TMEM87A: variants seen among roughly 807,000 people sequenced by gnomAD.
TMEM87A encodes the protein transmembrane protein 87A.
Under a neutral mutation model 90.0 loss-of-function variants are expected in TMEM87A, and 50 were observed. That is an observed-to-expected ratio of 0.56 (90% CI 0.44 to 0.70). The LOEUF is 0.70. TMEM87A is among the 30% of genes least tolerant of loss of function. The pLI is 0.00. For missense variants in TMEM87A, 577 were observed against 660.5 expected, an observed-to-expected ratio of 0.87 and a Z score of 1.39; for synonymous variants, 226 against 226.7, an observed-to-expected ratio of 1.00 and a Z score of 0.03.
chr15:42,271,418 C>G (rs2051521230), intron 2 of TMEM87A: 1 of 152,208 alleles, frequency 6.6e-6, no homozygotes, highest in Non-Finnish European at 1.5e-5. Context: ...TGCAGGGAAT[C>G]AACCCCAACA....
chr15:42,235,928 C>T (rs2050761183), intron 10 of TMEM87A, among the ~76,000 whole-genome samples: 1 of 152,110 alleles, frequency 6.6e-6, no homozygotes, highest in Non-Finnish European at 1.5e-5. Context: ...GAAGACACTC[C>T]TCAATAAAAA....
chr15:42,216,354 G>C (rs544864297), intron 19 of TMEM87A, among the ~76,000 whole-genome samples: 39 of 152,296 alleles, frequency 2.6e-4, no homozygotes, highest in South Asian at 6.2e-4. Flanking sequence ...CACTAAAGGA[G>C]TTAAGAGAGT....
intron 6 of TMEM87A, among the ~76,000 whole-genome samples, chr15:42,257,440 T>C (rs1205742818): frequency 3.3e-5 from 5 of 152,082 alleles, no homozygotes; most frequent in Non-Finnish European, 7.4e-5. Context: ...AAGCCCTCAC[T>C]AGAAACAGAT....
intron 10 of TMEM87A, among the ~76,000 whole-genome samples, chr15:42,235,642 A>G (rs114061879): frequency 0.017 from 2,527 of 152,316 alleles, 74 homozygotes; most frequent in African/African-American, 0.058. Flanking sequence ...ATCTCAATTC[A>G]GCATCTCTTC....
intron 15 of TMEM87A, among the ~76,000 whole-genome samples, chr15:42,224,012 T>C (rs1315004965): frequency 1.3e-5 from 2 of 152,206 alleles, no homozygotes; most frequent in Non-Finnish European, 2.9e-5. Context: ...TCATTAAATA[T>C]TTCTTGAGCA....
intron 15 of TMEM87A, 42 bp from the exon 16 acceptor site, chr15:42,220,177 T>C: frequency 1.3e-6 from 2 of 1,482,740 alleles, no homozygotes; most frequent in Non-Finnish European, 9.2e-7. Context: ...ATTAGAAAAC[T>C]TCAAAAACTG....
chr15:42,253,843 A>ACC (rs2051130090), intron 6 of TMEM87A, among the ~76,000 whole-genome samples: 1 of 152,124 alleles, frequency 6.6e-6, no homozygotes, highest in African/African-American at 2.4e-5. Flanking sequence ...GGAGACCTGG[A>ACC]CCTCACTACT....
intron 15 of TMEM87A, among the ~76,000 whole-genome samples, chr15:42,224,085 T>A (rs546337965): frequency 3.3e-5 from 5 of 152,336 alleles, no homozygotes; most frequent in Admixed American, 2.6e-4. Context: ...CCGACACCCA[T>A]AACATGTCCT....
chr15:42,240,985 A>C (rs2050856419), intron 7 of TMEM87A, among the ~76,000 whole-genome samples: 1 of 152,238 alleles, frequency 6.6e-6, no homozygotes, highest in Admixed American at 6.5e-5. Context: ...AAATCTGGCC[A>C]CCAGCTTTTT....
chr15:42,218,045 A>G, intron 18 of TMEM87A: 1 of 622,922 alleles, frequency 1.6e-6, no homozygotes, highest in South Asian at 2.3e-5. Context: ...ATGCAACAGG[A>G]CCAATGTTTC....
In TMEM87A at chr15:42,264,126, T is replaced by C. The variant is rs771688628; in HGVS notation, c.369A>G (p.Lys123=). The change falls in exon 4 of 20, where the codon AAA becomes AAG. Residue 123 remains lysine, a synonymous_variant. Transcript: ENST00000389834. ...AGAGTTCACTGCAGTTCTGGAACAATTTTGATGATGTTTGATATTTCCCAG... is the reference window on the plus strand; with the variant it reads ...AGAGTTCACTGCAGTTCTGGAACAACTTTGATGATGTTTGATATTTCCCAG... ...GLSGKYQTSS[K]LFQNCSELFK... The C allele has an allele frequency of 3.7e-6, 6 of 1,613,706 alleles. No homozygotes were observed. Among genetic ancestry groups the C allele is most frequent in the Non-Finnish European group, 5.1e-6 (6 of 1,179,848 alleles).
intron 6 of TMEM87A, among the ~76,000 whole-genome samples, chr15:42,253,297 G>C (rs771052046): frequency 7.9e-5 from 12 of 152,094 alleles, no homozygotes; most frequent in Non-Finnish European, 1.5e-4. Flanking sequence ...TTTCTTCATA[G>C]CTCAATATAC....
At chr15:42,228,199 G>A (rs1302946964) in intron 13 of TMEM87A, among the ~76,000 whole-genome samples, 1 of 152,140 alleles carries the variant, frequency 6.6e-6, no homozygotes, top group African/African-American at 2.4e-5. Flanking sequence ...AAACAGAAGA[G>A]CTAGTTCCAA....
chr15:42,258,707 G>GT, intron 6 of TMEM87A: 1 of 1,261,376 alleles, frequency 7.9e-7, no homozygotes, highest in South Asian at 2.2e-5. Context: ...CATTACAGGC[G>GT]TGAGCCACTG....
intron 14 of TMEM87A, 106 bp from the exon 15 acceptor site, chr15:42,227,015 T>C (rs1489232038): frequency 1.7e-5 from 18 of 1,084,666 alleles, no homozygotes; most frequent in Middle Eastern, 2.5e-4. Flanking sequence ...ATTCAAGTTA[T>C]GTTTACTAAG....
At position 42,261,008 on chromosome 15, in the gene TMEM87A, A is replaced by G; in HGVS notation, c.460-6T>C. On this transcript the variant is annotated splice_polypyrimidine_tract_variant and splice_region_variant and intron_variant, in intron 5 of 19. Coordinates refer to ENST00000389834, the MANE Select transcript of TMEM87A (RefSeq NM_015497.5). The stretch of plus-strand genomic sequence containing the variant: ...TTTGTTCCATTCTCCTTAGCCTTTA[A>G]ACATTAAAAAAATAATAATAATTAA... 6.8e-7 allele frequency: 1 copy of G among 1,462,956 alleles called. No individual in the cohort carries two copies. The highest frequency in any genetic ancestry group is 9.0e-7 in the Non-Finnish European group (1 of 1,106,412). The allele number at this position is 1,462,956 out of a possible 1,614,324, so 90.6% of individuals were successfully genotyped here. A position where few individuals can be genotyped will look rare whatever the true frequency, so the allele number is the denominator to read the frequency against.
At chr15:42,214,741 C>CA (rs1298960864) in intron 19 of TMEM87A, among the ~76,000 whole-genome samples, 1 of 152,178 alleles carries the variant, frequency 6.6e-6, no homozygotes. Context: ...TTTGAAACCA[C>CA]AAAACTCCTA....
At chr15:42,273,137 T>C (rs963692518) in intron 1 of TMEM87A, 118 bp downstream of exon 1, 1 of 1,323,300 alleles carries the variant, frequency 7.6e-7, no homozygotes, top group South Asian at 1.3e-5. Context: ...ACACAGACCA[T>C]CCCAGCAACC....
At chr15:42,258,441 T>C (rs1339747050) in intron 6 of TMEM87A, 3 of 659,652 alleles carry the variant, frequency 4.5e-6, no homozygotes, top group African/African-American at 3.9e-5. Context: ...TTTTCTTTTT[T>C]TTTTGAGATG....
Sources: gnomAD v4.1 joint callset for allele counts (sites outside exome capture counted in the v4.1 genomes callset) on GRCh38, gnomAD v4.1.1 for gene constraint, MANE v1.5 for transcripts, NCBI Gene and HGNC (gene_info 2026-07-23, HGNC 2026-07-21) for gene names.